LEFTY2: variants seen among roughly 807,000 people sequenced by gnomAD.
The protein encoded by LEFTY2 is left-right determination factor 2, also known as TGF-beta-4.
In LEFTY2, 10 loss-of-function variants were observed where a neutral mutation model predicts 26.4. The observed-to-expected ratio is 0.38, with a 90% CI of 0.23 to 0.64. The LOEUF is 0.64. Ranked by LOEUF, LEFTY2 falls within the 30% of genes least tolerant of loss-of-function variation. The pLI, the probability that LEFTY2 is intolerant of heterozygous loss-of-function variation, is 0.56. For missense variants in LEFTY2, 407 were observed against 502.1 expected (o/e 0.81, Z 1.81); for synonymous variants, 204 against 234.1 (o/e 0.87, Z 1.17).
Position 225,939,427 on chromosome 1 carries a change from T to C in LEFTY2, c.671A>G (p.Gln224Arg). The C allele has an allele frequency of 6.2e-7, 1 of 1,611,942 alleles. No homozygotes were observed. Among genetic ancestry groups the C allele is most frequent in the Non-Finnish European group, 8.5e-7 (1 of 1,179,446 alleles). ...CTCCCCAAGCCCGGCTGGCGCCCCC[T>C]GCGAGGCAAAGCGGACCAGCTTGTG... The part of the protein sequence containing the change: ...GAHKLVRFAS[Q>R]GAPAGLGEPQ... Residue 224 changes from glutamine (Q) to arginine (R), a missense_variant, in exon 3 of 4, where the codon CAG becomes CGG. Physicochemically the swap from Gln to Arg is conservative, Grantham distance 43. Coordinates refer to ENST00000366820, the MANE Select transcript of LEFTY2 (RefSeq NM_003240.5). This position sits in a 1 kb window ranked among gnomAD's most constrained non-coding sequence, Gnocchi z 4.1.
intron 3 of LEFTY2, among the ~76,000 whole-genome samples, chr1:225,938,352 G>C (rs982797797): frequency 3.9e-5 from 6 of 152,346 alleles, no homozygotes; most frequent in African/African-American, 1.2e-4. Flanking sequence ...TCATGGAGAA[G>C]GGTAAAGTGA....
Position 225,939,986 on chromosome 1 carries a change from G to C in LEFTY2, c.267C>G (p.Phe89Leu), listed in dbSNP as rs764976878. 1.3e-6 allele frequency: 2 copies of C among 1,595,778 alleles called. No individual in the cohort carries two copies. The highest frequency in any genetic ancestry group is 1.7e-6 in the Non-Finnish European group (2 of 1,179,602). Reference protein sequence around the residue: ...SQSFREVAGRFLASEASTHLL... With the variant: ...SQSFREVAGRLLASEASTHLL... ...GGTGTGTGCTGGCCTCCGACGCCAG[G>C]AACCTGCCGGCCACCTCTGGGGACA... Residue 89 changes from phenylalanine (F) to leucine (L), a missense_variant, in exon 2 of 4, where the codon TTC (phenylalanine) becomes TTG (leucine). Physicochemically the swap from Phe to Leu is conservative, Grantham distance 22 (BLOSUM62 0). Coordinates refer to ENST00000366820, the MANE Select transcript of LEFTY2 (RefSeq NM_003240.5). This position sits in a 1 kb window ranked among gnomAD's most constrained non-coding sequence, Gnocchi z 4.1.
At chr1:225,940,851 C>T (rs370194491) in intron 1 of LEFTY2, 40 bp downstream of exon 1, 87 of 1,612,560 alleles carry the variant, frequency 5.4e-5, no homozygotes, top group South Asian at 4.1e-4. Context: ...GGCCTGCCCC[C>T]GACCATGGGA....
chr1:225,937,771 C>G lies in LEFTY2; in HGVS notation c.771G>C (p.Met257Ile). Residue 257 changes from methionine to isoleucine, a missense_variant, in exon 4 of 4, where the codon ATG (methionine) becomes ATC (isoleucine). Transcript: ENST00000366820. Reference sequence around the variant, plus strand: ...GGCGGCAGCAGCGGGTGCCCTCGGTCATTGGTGCTTCAGGGTCACAGTCGC... The same window carrying G: ...GGCGGCAGCAGCGGGTGCCCTCGGTGATTGGTGCTTCAGGGTCACAGTCGC... ...AQGDCDPEAPMTEGTRCCRQE... is the reference protein window; with the variant it reads ...AQGDCDPEAPITEGTRCCRQE... The G allele has an allele frequency of 6.2e-7, 1 of 1,611,810 alleles. No individual in the cohort carries two copies.
Position 225,940,928 on chromosome 1 carries a change from G to A in LEFTY2, c.213C>T (p.Asp71=), listed in dbSNP as rs1387275773. 6 of 1,613,524 alleles carry A rather than the reference G, an allele frequency of 3.7e-6. 1 individual carries two copies. In the South Asian group the frequency reaches 6.6e-5, roughly 18 times the overall value. Residue 71 remains aspartate (D), a synonymous_variant, in exon 1 of 4, where the codon GAC becomes GAT. Transcript: ENST00000366820. Reference sequence around the variant, plus strand: ...GGCTGAACCTCTTTCCGCGGGAGCGGTCCCCGTGGCTGCGCCGCAGCAGGA... The same window carrying A: ...GGCTGAACCTCTTTCCGCGGGAGCGATCCCCGTGGCTGCGCCGCAGCAGGA... ...YVVLLRRSHG[D]RSRGKRFSQS...
At chr1:225,940,310 G>T (rs1388521890) in intron 1 of LEFTY2, among the ~76,000 whole-genome samples, 1 of 152,234 alleles carries the variant, frequency 6.6e-6, no homozygotes, top group Non-Finnish European at 1.5e-5. Context: ...GAGGCGAGAG[G>T]CTGCAGGAGG....
Position 225,941,018 on chromosome 1 carries a change from G to C in LEFTY2, c.123C>G (p.Pro41=). The C allele has an allele frequency of 6.2e-7, 1 of 1,613,054 alleles. No individual in the cohort carries two copies. The highest frequency in any genetic ancestry group is 8.5e-7 in the Non-Finnish European group (1 of 1,179,744). Residue 41 remains proline, a synonymous_variant, in exon 1 of 4, where the codon CCC becomes CCG. Coordinates refer to ENST00000366820, the MANE Select transcript of LEFTY2 (RefSeq NM_003240.5). ...TCTCCATGTCGGCCCTGTCCAGTAC[G>C]GGCACCTCGCTGAGCTGCAGCTGCC... ...LLRQLQLSEV[P]VLDRADMEKL...
intron 3 of LEFTY2, among the ~76,000 whole-genome samples, chr1:225,938,766 C>G (rs2102682108): frequency 6.6e-6 from 1 of 152,064 alleles, no homozygotes; most frequent in East Asian, 1.9e-4. Context: ...TTTAAGCAAT[C>G]CTCCACCTCA....
rs1558069196 is a variant in LEFTY2 at position 225,937,566 on chromosome 1, T to C, written c.976A>G (p.Met326Val). Residue 326 changes from methionine to valine, a missense_variant, in exon 4 of 4, where the codon ATG becomes GTG. Physicochemically the swap from Met to Val is conservative, Grantham distance 21 (BLOSUM62 1). Transcript: ENST00000366820. ...CIASETASLPMIVSIKEGGRT... is the reference protein window; with the variant it reads ...CIASETASLPVIVSIKEGGRT... Reference sequence around the variant, plus strand: ...CCTCCCTCCTTGATGCTGACGATCATGGGCAGCGAGGCAGTCTCCGAGGCG... The same window carrying C: ...CCTCCCTCCTTGATGCTGACGATCACGGGCAGCGAGGCAGTCTCCGAGGCG... 6.2e-7 allele frequency: 1 copy of C among 1,614,058 alleles called. No homozygotes were observed. The highest frequency in any genetic ancestry group is 1.7e-5 in the Admixed American group (1 of 60,030).
At chr1:225,937,909 C>T in intron 3 of LEFTY2, 105 bp from the exon 4 acceptor site, 4 of 1,404,588 alleles carry the variant, frequency 2.8e-6, no homozygotes, top group East Asian at 2.5e-5. Flanking sequence ...TATGATCCAG[C>T]TCTCACTATG....
At position 225,941,130 on chromosome 1, in the gene LEFTY2, AG is replaced by A; in HGVS notation, c.10del (p.Leu4CysfsTer19). On this transcript the variant is annotated frameshift_variant, in exon 1 of 4. Transcript: ENST00000366820. LOFTEE classifies it high-confidence loss of function. ...CACCCAGAGTGCCCAGCAGAGCCAC[AG>A]GGGCCACATGGTGCTGCCCTGGGGG... The part of the protein sequence containing the change: MWP[L>X]WLCWALWVLP... 2 of 1,566,554 alleles carry A rather than the reference AG, an allele frequency of 1.3e-6. No homozygotes were observed. The highest frequency in any genetic ancestry group is 8.6e-7 in the Non-Finnish European group (1 of 1,158,896).
chr1:225,941,002 C>T lies in LEFTY2; in HGVS notation c.139G>A (p.Asp47Asn), dbSNP rs753170242. 21 of 1,613,372 alleles carry T rather than the reference C, an allele frequency of 1.3e-5. No homozygotes were observed. In the South Asian group the frequency reaches 1.5e-4, roughly 12 times the overall value. ...GCGGGGATGACCAGCTTCTCCATGT[C>T]GGCCCTGTCCAGTACGGGCACCTCG... ...LSEVPVLDRA[D>N]MEKLVIPAHV... The change falls in exon 1 of 4, where the codon GAC (aspartate) becomes AAC (asparagine). Residue 47 changes from aspartate to asparagine, a missense_variant. Transcript: ENST00000366820.
Position 225,939,303 on chromosome 1 carries a change from C to CG in LEFTY2, c.737+57dup. 1 of 1,609,972 alleles carries CG rather than the reference C, an allele frequency of 6.2e-7. No individual in the cohort carries two copies. ...CCGGTCCCCCAGACAGTCCTGGGGA[C>CG]GGGGGTCTGGACCACTCAGTGGCTG... On this transcript the variant is annotated intron_variant, in intron 3 of 3. Transcript: ENST00000366820. This position sits in a 1 kb window ranked among gnomAD's most constrained non-coding sequence, Gnocchi z 4.1.
At position 225,941,180 on chromosome 1, in the gene LEFTY2, C is replaced by T; in HGVS notation, c.-40G>A. On this transcript the variant is annotated 5_prime_UTR_variant, in exon 1 of 4. Coordinates refer to ENST00000366820, the MANE Select transcript of LEFTY2 (RefSeq NM_003240.5). ...GGAGCAGGAGGCAGAGTGGGGCTGTCCTCTAGGGAGGTTGAAGGAGGGTCT... is the reference window on the plus strand; with the variant it reads ...GGAGCAGGAGGCAGAGTGGGGCTGTTCTCTAGGGAGGTTGAAGGAGGGTCT... 6.7e-7 allele frequency: 1 copy of T among 1,497,784 alleles called. No homozygotes were observed. The highest frequency in any genetic ancestry group is 8.8e-7 in the Non-Finnish European group (1 of 1,131,316). The allele number at this position is 1,497,784 out of a possible 1,614,324, so 92.8% of individuals were successfully genotyped here. A position where few individuals can be genotyped will look rare whatever the true frequency, so the allele number is the denominator to read the frequency against.
At chr1:225,940,071 C>T in intron 1 of LEFTY2, 69 bp from the exon 2 acceptor site, 1 of 1,590,958 alleles carries the variant, frequency 6.3e-7, no homozygotes, top group Non-Finnish European at 8.5e-7. Flanking sequence ...GGCAGGGCCA[C>T]TGAGCTGGCA....
At position 225,939,989 on chromosome 1, in the gene LEFTY2, C is replaced by A. The variant is rs1482587615; in HGVS notation, c.264G>T (p.Arg88Ser). ...FSQSFREVAG[R>S]FLASEASTHL... is the part of the protein sequence containing the mutation. Reference sequence around the variant, plus strand: ...GTGTGCTGGCCTCCGACGCCAGGAACCTGCCGGCCACCTCTGGGGACAAGA... The same window carrying A: ...GTGTGCTGGCCTCCGACGCCAGGAAACTGCCGGCCACCTCTGGGGACAAGA... Residue 88 changes from arginine to serine, a missense_variant, in exon 2 of 4, where the codon AGG becomes AGT. Coordinates refer to ENST00000366820, the MANE Select transcript of LEFTY2 (RefSeq NM_003240.5). This position sits in a 1 kb window ranked among gnomAD's most constrained non-coding sequence, Gnocchi z 4.1. The A allele has an allele frequency of 6.3e-7, 1 of 1,595,828 alleles. No individual in the cohort carries two copies. Among genetic ancestry groups the A allele is most frequent in the Non-Finnish European group, 8.5e-7 (1 of 1,179,604 alleles).
In LEFTY2 at chr1:225,937,504, C is replaced by A. The variant is rs778889075; in HGVS notation, c.1038G>T (p.Met346Ile). The change falls in exon 4 of 4, where the codon ATG becomes ATT. Residue 346 changes from methionine to isoleucine, a missense_variant. Coordinates refer to ENST00000366820, the MANE Select transcript of LEFTY2 (RefSeq NM_003240.5). ...AGGCACAGCTGCACTTCTGCACCCTCATGTTGGGCAGGCTGACCACCTGGG... is the reference window on the plus strand; with the variant it reads ...AGGCACAGCTGCACTTCTGCACCCTAATGTTGGGCAGGCTGACCACCTGGG... ...TRPQVVSLPNMRVQKCSCASD... is the reference protein window; with the variant it reads ...TRPQVVSLPNIRVQKCSCASD... The A allele has an allele frequency of 1.7e-5, 27 of 1,613,978 alleles. No homozygotes were observed. The South Asian group carries it at 3.0e-4, about 18-fold the overall frequency.
In LEFTY2 at chr1:225,937,588, G is replaced by A; in HGVS notation, c.954C>T (p.Ala318=). 1 of 1,614,118 alleles carries A rather than the reference G, an allele frequency of 6.2e-7. No homozygotes were observed. The highest frequency in any genetic ancestry group is 1.7e-5 in the Admixed American group (1 of 60,028). Residue 318 remains alanine, a synonymous_variant, in exon 4 of 4, where the codon GCC becomes GCT. Coordinates refer to ENST00000366820, the MANE Select transcript of LEFTY2 (RefSeq NM_003240.5). ...WPFLGPRQCI[A]SETASLPMIV... ...TCATGGGCAGCGAGGCAGTCTCCGA[G>A]GCGATACACTGTCGCGGCCCCAGAA...
chr1:225,939,836 G>A lies in LEFTY2; in HGVS notation c.417C>T (p.Arg139=), dbSNP rs1226026903. The A allele has an allele frequency of 1.0e-5, 16 of 1,546,582 alleles. No individual in the cohort carries two copies. Among genetic ancestry groups the A allele is most frequent in the Admixed American group, 3.9e-5 (2 of 51,502 alleles). ...CGACGGTCACCCGGGCCTGGGCGCT[G>A]CGCGGGGACAGCCGCCCGTGCCTGT... The part of the protein sequence containing the change: ...ALHRHGRLSP[R]SAQARVTVEW... The change falls in exon 2 of 4, where the codon CGC becomes CGT. Residue 139 remains arginine, a synonymous_variant. Coordinates refer to ENST00000366820, the MANE Select transcript of LEFTY2 (RefSeq NM_003240.5). This position sits in a 1 kb window ranked among gnomAD's most constrained non-coding sequence, Gnocchi z 4.1.
Sources: gnomAD v4.1 joint callset for allele counts (sites outside exome capture counted in the v4.1 genomes callset) on GRCh38, gnomAD v4.1.1 for gene constraint, Gnocchi (gnomAD v3.1) non-coding constraint, MANE v1.5 for transcripts, NCBI Gene and HGNC (gene_info 2026-07-23, HGNC 2026-07-21) for gene names.